Variants in RNPEPL1 observed in about 807,000 individuals in gnomAD.
RNPEPL1 encodes aminopeptidase RNPEPL1.
RNPEPL1 carries 46 observed loss-of-function variants against 69.0 expected under a neutral mutation model. That is an observed-to-expected ratio of 0.67 (90% CI 0.53 to 0.85). RNPEPL1 has a LOEUF of 0.85. RNPEPL1 is among the 40% of genes least tolerant of loss of function. RNPEPL1 has a pLI of 0.00. For synonymous variants in RNPEPL1, 525 were observed against 454.1 expected, an observed-to-expected ratio of 1.16 and a Z score of -1.98; for missense variants, 869 against 992.5, an observed-to-expected ratio of 0.88 and a Z score of 1.67.
At position 240,577,813 on chromosome 2, in the gene RNPEPL1, C is replaced by T. The variant is rs781388607; in HGVS notation, c.2099C>T (p.Ser700Leu). 7.5e-6 allele frequency: 12 copies of T among 1,607,408 alleles called. No homozygotes were observed. The highest frequency in any genetic ancestry group is 1.7e-4 in the Middle Eastern group (1 of 6,042). ...GGCAAGGCTGAAGCAGACACAGACT[C>T]GGACGCACAGGCCCTGCTGCTTGGG... ...ELGKAEADTD[S>L]DAQALLLGDE... The change falls in exon 11 of 11, where the codon TCG (serine) becomes TTG (leucine). Residue 700 changes from serine to leucine, a missense_variant. This residue lies in a region of RNPEPL1 where 610 missense variants were observed against 790.9 expected (regional missense o/e 0.77). Coordinates refer to ENST00000270357, the MANE Select transcript of RNPEPL1 (RefSeq NM_018226.6).
Position 240,577,981 on chromosome 2 carries a change from G to A in RNPEPL1, c.*89G>A. ...CTGCCATGACTGCGTCTCGGCTCTG[G>A]CCATGAGCTCTGCCCAGGCCCACAA... On this transcript the variant is annotated 3_prime_UTR_variant, in exon 11 of 11. Transcript: ENST00000270357. 2.3e-6 allele frequency: 3 copies of A among 1,321,532 alleles called. No homozygotes were observed. The highest frequency in any genetic ancestry group is 3.0e-6 in the Non-Finnish European group (3 of 1,001,628). 81.9% of individuals were successfully genotyped at this position (1,321,532 alleles called of 1,614,324 possible). A position where few individuals can be genotyped will look rare whatever the true frequency, so the allele number is the denominator to read the frequency against.
In RNPEPL1 at chr2:240,577,842, G is replaced by A. The variant is rs570330123; in HGVS notation, c.2128G>A (p.Glu710Lys). The A allele has an allele frequency of 7.5e-5, 119 of 1,591,156 alleles. No individual in the cohort carries two copies. In the South Asian group the frequency reaches 1.3e-3, roughly 17 times the overall value. ...SDAQALLLGD[E>K]APSSAISLRD... ...CGCACAGGCCCTGCTGCTTGGGGAC[G>A]AGGCCCCCAGCAGTGCCATCTCTCT... Residue 710 changes from glutamate (E) to lysine (K), a missense_variant, in exon 11 of 11, where the codon GAG becomes AAG. Physicochemically the swap from Glu to Lys is moderately conservative, Grantham distance 56. Transcript: ENST00000270357.
chr2:240,573,154 A>G lies in RNPEPL1; in HGVS notation c.714A>G (p.Ala238=), dbSNP rs756571696. 3 of 1,610,122 alleles carry G rather than the reference A, an allele frequency of 1.9e-6. No individual in the cohort carries two copies. The highest frequency in any genetic ancestry group is 2.5e-6 in the Non-Finnish European group (3 of 1,179,044). Residue 238 remains alanine (A), a synonymous_variant, in exon 3 of 11, where the codon GCA becomes GCG. Transcript: ENST00000270357. ...VQVLMSATRS[A]YMEEEGVFHF... ...TGCTGATGAGTGCCACCCGGAGTGCATACATGGAGGAAGAAGGCGTCTTCC... is the reference window on the plus strand; with the variant it reads ...TGCTGATGAGTGCCACCCGGAGTGCGTACATGGAGGAAGAAGGCGTCTTCC...
rs1407197288 is a variant in RNPEPL1 at position 240,569,261 on chromosome 2, G to C, written c.528+147G>C. On this transcript the variant is annotated intron_variant, in intron 1 of 10. Transcript: ENST00000270357. ...CCCCGGTGATTCCCAGCTGTTGCCT[G>C]TGAGCCCTTAGGACCCTCGGATAGA... The C allele has an allele frequency of 4.3e-6, 4 of 939,726 alleles. No individual in the cohort carries two copies. The South Asian group carries it at 8.1e-5, about 19-fold the overall frequency. 58.2% of individuals were successfully genotyped at this position (939,726 alleles called of 1,614,324 possible).
At position 240,576,970 on chromosome 2, in the gene RNPEPL1, C is replaced by T. The variant is rs193086300; in HGVS notation, c.1864C>T (p.Arg622Trp). Residue 622 changes from arginine to tryptophan, a missense_variant, in exon 10 of 11, where the codon CGG becomes TGG. Arg to Trp is a moderately radical substitution (Grantham distance 101). Coordinates refer to ENST00000270357, the MANE Select transcript of RNPEPL1 (RefSeq NM_018226.6). The part of the protein sequence containing the change: ...NDYYPDLHRV[R>W]RFLESQMSRM... ...CTACTATCCTGACCTCCACAGGGTG[C>T]GGCGCTTCCTGGAGAGCCAGGTGCG... 15 of 1,613,270 alleles carry T rather than the reference C, an allele frequency of 9.3e-6. No homozygotes were observed. The highest frequency in any genetic ancestry group is 3.3e-5 in the Admixed American group (2 of 60,028).
intron 7 of RNPEPL1, 89 bp downstream of exon 7, chr2:240,575,231 G>A: frequency 9.3e-7 from 1 of 1,076,420 alleles, no homozygotes. Context: ...TGCGGCAGTT[G>A]GGGTGGAACT....
intron 1 of RNPEPL1, 56 bp downstream of exon 1, chr2:240,569,170 G>C (rs1018105811): frequency 1.1e-5 from 15 of 1,368,890 alleles, no homozygotes; most frequent in African/African-American, 1.5e-5. Context: ...GCTGCTAGCG[G>C]CCTCTCGCCG....
intron 8 of RNPEPL1, 194 bp downstream of exon 8, chr2:240,575,804 C>G (rs1449825790): frequency 1.7e-6 from 1 of 588,212 alleles, no homozygotes. Context: ...TGGGGGCCTC[C>G]CTGGGGCCGG....
At chr2:240,574,380 G>A (rs1186038540) in intron 5 of RNPEPL1, 32 bp downstream of exon 5, 2 of 1,582,230 alleles carry the variant, frequency 1.3e-6, no homozygotes, top group Non-Finnish European at 1.7e-6. Context: ...GCAGCCACGG[G>A]GGGCCCTGGG....
rs2093031225 is a variant in RNPEPL1, at chr2:240,574,259, A to G, written c.1085A>G (p.Asn362Ser). Residue 362 changes from asparagine (N) to serine (S), a missense_variant, in exon 5 of 11, where the codon AAC becomes AGC. This residue lies in a region of RNPEPL1 where 610 missense variants were observed against 790.9 expected (regional missense o/e 0.77). Transcript: ENST00000270357. ...IHEVAHSWFG[N>S]AVTNATWEEM... ...GAGGTGGCCCACAGTTGGTTCGGCAACGCTGTCACCAACGCCACGTGGGAA... is the reference window on the plus strand; with the variant it reads ...GAGGTGGCCCACAGTTGGTTCGGCAGCGCTGTCACCAACGCCACGTGGGAA... 3 of 1,612,430 alleles carry G rather than the reference A, an allele frequency of 1.9e-6. No homozygotes were observed. Among genetic ancestry groups the G allele is most frequent in the Non-Finnish European group, 2.5e-6 (3 of 1,179,902 alleles).
rs1349979959 is a variant in RNPEPL1, at chr2:240,577,003, G to T, written c.1884+13G>T. The stretch of plus-strand genomic sequence containing the variant: ...CCTGGAGAGCCAGGTGCGGTCACCT[G>T]CCCAGGGGGCCAGCCTGGAACGGCC... On this transcript the variant is annotated intron_variant, in intron 10 of 10. Transcript: ENST00000270357. 6.8e-6 allele frequency: 11 copies of T among 1,612,340 alleles called. No individual in the cohort carries two copies. The East Asian group carries it at 2.5e-4, about 36-fold the overall frequency.
chr2:240,573,072 C>G (rs185551900), intron 2 of RNPEPL1, 38 bp from the exon 3 acceptor site: 2 of 1,552,892 alleles, frequency 1.3e-6, no homozygotes, highest in African/African-American at 2.7e-5. Flanking sequence ...GGTGTGCTGA[C>G]GGTGGGGCCA....
chr2:240,571,674 T>C (rs1179372103), intron 1 of RNPEPL1, among the ~76,000 whole-genome samples: 1 of 151,124 alleles, frequency 6.6e-6, no homozygotes, highest in Non-Finnish European at 1.5e-5. Flanking sequence ...CTCAACAGCT[T>C]TGGTGCAGAT....
chr2:240,568,935 C>CCCCCGCTGCCCGCCTT lies in RNPEPL1; in HGVS notation c.355_370dup (p.Glu124AlafsTer185). On this transcript the variant is annotated frameshift_variant, in exon 1 of 11. Coordinates refer to ENST00000270357, the MANE Select transcript of RNPEPL1 (RefSeq NM_018226.6). LOFTEE classifies it high-confidence loss of function. This position sits in a 1 kb window ranked among gnomAD's most constrained non-coding sequence, Gnocchi z 6.2. ...CCCCGGGCCGGGGCCCGCGCCGCCGCCCCCGCTGCCCGCCTTCCCCGAGGC... is the reference window on the plus strand; with the variant it reads ...CCCCGGGCCGGGGCCCGCGCCGCCGCCCCCGCTGCCCGCCTTCCCCGCTGCCCGCCTTCCCCGAGGC... The CCCCCGCTGCCCGCCTT allele has an allele frequency of 7.4e-7, 1 of 1,346,630 alleles. No individual in the cohort carries two copies. Among genetic ancestry groups the CCCCCGCTGCCCGCCTT allele is most frequent in the Non-Finnish European group, 9.5e-7 (1 of 1,052,556 alleles). 83.4% of individuals were successfully genotyped at this position (1,346,630 alleles called of 1,614,324 possible).
At position 240,576,967 on chromosome 2, in the gene RNPEPL1, G is replaced by T; in HGVS notation, c.1861G>T (p.Val621Leu). ...CGACTACTATCCTGACCTCCACAGG[G>T]TGCGGCGCTTCCTGGAGAGCCAGGT... ...RNDYYPDLHR[V>L]RRFLESQMSR... Residue 621 changes from valine (V) to leucine (L), a missense_variant, in exon 10 of 11, where the codon GTG (valine) becomes TTG (leucine). Physicochemically the swap from Val to Leu is conservative, Grantham distance 32. Around this residue, in one of 2 missense-constraint regions of RNPEPL1, gnomAD observed 610 missense variants for 790.9 expected, o/e 0.77. Transcript: ENST00000270357. The T allele has an allele frequency of 6.2e-7, 1 of 1,613,306 alleles. No homozygotes were observed. Among genetic ancestry groups the T allele is most frequent in the Non-Finnish European group, 8.5e-7 (1 of 1,179,950 alleles).
chr2:240,577,070 A>G (rs2093040027), intron 10 of RNPEPL1, 80 bp downstream of exon 10: 1 of 1,565,734 alleles, frequency 6.4e-7, no homozygotes, highest in African/African-American at 1.4e-5. Flanking sequence ...CCCTAGTCTG[A>G]GCCCTTGGGG....
chr2:240,573,933 G>T (rs1015635413), intron 4 of RNPEPL1, 42 bp downstream of exon 4: 7 of 1,540,686 alleles, frequency 4.5e-6, no homozygotes, highest in Admixed American at 3.7e-5. Flanking sequence ...CTGGAAGGAG[G>T]AGTCAGAGGG....
In RNPEPL1 at chr2:240,578,111, C is replaced by G; in HGVS notation, c.*219C>G. 1 of 454,752 alleles carries G rather than the reference C, an allele frequency of 2.2e-6. No homozygotes were observed. Among genetic ancestry groups the G allele is most frequent in the African/African-American group, 1.9e-5 (1 of 51,664 alleles). The allele number at this position is 454,752 out of a possible 1,614,324, so 28.2% of individuals were successfully genotyped here. A position where few individuals can be genotyped will look rare whatever the true frequency, so the allele number is the denominator to read the frequency against. On this transcript the variant is annotated 3_prime_UTR_variant, in exon 11 of 11. Transcript: ENST00000270357. ...CCTCCCCACTCCCAGCTCTCTTGCACTGCAGGCCCTGGGGCCAGCCCGCAC... is the reference window on the plus strand; with the variant it reads ...CCTCCCCACTCCCAGCTCTCTTGCAGTGCAGGCCCTGGGGCCAGCCCGCAC...
At position 240,578,721 on chromosome 2, in the gene RNPEPL1, C is replaced by G. The variant is rs1349489817; in HGVS notation, c.*829C>G. 6.6e-6 allele frequency: 1 copy of G among 152,550 alleles called. No individual in the cohort carries two copies. The highest frequency in any genetic ancestry group is 6.5e-5 in the Admixed American group (1 of 15,280). 9.4% of individuals were successfully genotyped at this position (152,550 alleles called of 1,614,324 possible). A position where few individuals can be genotyped will look rare whatever the true frequency, so the allele number is the denominator to read the frequency against. Reference sequence around the variant, plus strand: ...GTGATGGTCCCATTAAACTTCCACTCTGCAAACCTGATCTCCTGCGCTCTT... The same window carrying G: ...GTGATGGTCCCATTAAACTTCCACTGTGCAAACCTGATCTCCTGCGCTCTT... On this transcript the variant is annotated 3_prime_UTR_variant, in exon 11 of 11. Transcript: ENST00000270357.
Sources: gnomAD v4.1 joint callset for allele counts (sites outside exome capture counted in the v4.1 genomes callset) on GRCh38, gnomAD v4.1.1 for gene constraint, gnomAD v4.1.1 regional missense constraint, Gnocchi (gnomAD v3.1) non-coding constraint, MANE v1.5 for transcripts, NCBI Gene and HGNC (gene_info 2026-07-23, HGNC 2026-07-21) for gene names.